Variants in WWP2 observed in about 807,000 individuals in gnomAD.
WWP2 encodes the protein WW domain containing E3 ubiquitin protein ligase 2, also known as NEDD4-like E3 ubiquitin-protein ligase WWP2.
Under a neutral mutation model 121.0 loss-of-function variants are expected in WWP2, and 57 were observed. That is an observed-to-expected ratio of 0.47 (90% CI 0.38 to 0.59). The LOEUF is 0.59. Ranked by LOEUF, WWP2 falls within the 20% of genes least tolerant of loss-of-function variation. The probability of loss-of-function intolerance (pLI) is 0.00; values close to 1 mark genes in which losing one functional copy is unlikely to be tolerated. For synonymous variants in WWP2, 449 were observed against 441.3 expected (o/e 1.02, Z -0.22); for missense variants, 962 against 1,158.9 (o/e 0.83, Z 2.47).
chr16:69,868,284 C>T (rs1318453390), intron 6 of WWP2, among the ~76,000 whole-genome samples: 2 of 151,946 alleles, frequency 1.3e-5, no homozygotes, highest in African/African-American at 4.8e-5. Context: ...CCCAGCCCAT[C>T]ATTCAGGGTA....
chr16:69,874,552 T>C (rs146655334), intron 7 of WWP2, among the ~76,000 whole-genome samples: 2 of 152,302 alleles, frequency 1.3e-5, no homozygotes, highest in African/African-American at 4.8e-5. Flanking sequence ...CCATAAAGTA[T>C]CCATTTTTAT....
chr16:69,838,396 C>G (rs2056914479), intron 4 of WWP2, among the ~76,000 whole-genome samples: 1 of 148,636 alleles, frequency 6.7e-6, no homozygotes, highest in African/African-American at 2.5e-5. Flanking sequence ...TTGCCAGAGA[C>G]TTAGGTACTG....
At chr16:69,866,097 C>T (rs1033965278) in intron 6 of WWP2, among the ~76,000 whole-genome samples, 2 of 152,072 alleles carry the variant, frequency 1.3e-5, no homozygotes, top group African/African-American at 2.4e-5. Flanking sequence ...GTTTCTCTGG[C>T]GTCTTCTTGG....
At chr16:69,928,489 C>G (rs2058669300) in intron 11 of WWP2, among the ~76,000 whole-genome samples, 3 of 152,116 alleles carry the variant, frequency 2.0e-5, no homozygotes, top group African/African-American at 4.8e-5. Flanking sequence ...ACCCCAGAGC[C>G]CTTATCAGTA....
intron 4 of WWP2, among the ~76,000 whole-genome samples, chr16:69,820,818 A>T (rs974942302): frequency 7.5e-6 from 1 of 133,550 alleles, no homozygotes; most frequent in East Asian, 2.2e-4. Context: ...CCATGAATAC[A>T]TGCATATACA....
intron 1 of WWP2, among the ~76,000 whole-genome samples, chr16:69,766,540 T>C (rs984286523): frequency 6.6e-6 from 1 of 152,118 alleles, no homozygotes; most frequent in African/African-American, 2.4e-5. Context: ...ACCACCACCC[T>C]GACCTCCTCT....
rs771352727 is a variant in WWP2 at position 69,917,845 on chromosome 16, G to T, written c.1141G>T (p.Gly381Trp). Residue 381 changes from glycine (G) to tryptophan (W), a missense_variant, in exon 10 of 24, where the codon GGG (glycine) becomes TGG (tryptophan). Transcript: ENST00000359154. ...QWQSQRNQLQGAMQHFSQRFL... is the reference protein window; with the variant it reads ...QWQSQRNQLQWAMQHFSQRFL... Reference sequence around the variant, plus strand: ...GCAGTCGCAGCGGAATCAGCTCCAGGGGGCCATGCAGCACTTCAGCCAAAG... The same window carrying T: ...GCAGTCGCAGCGGAATCAGCTCCAGTGGGCCATGCAGCACTTCAGCCAAAG... 4 of 1,613,596 alleles carry T rather than the reference G, an allele frequency of 2.5e-6. No individual in the cohort carries two copies. The South Asian group carries it at 4.4e-5, about 18-fold the overall frequency.
intron 8 of WWP2, among the ~76,000 whole-genome samples, chr16:69,898,173 A>T (rs2058139188): frequency 1.3e-5 from 2 of 151,792 alleles, no homozygotes; most frequent in Admixed American, 1.3e-4. Context: ...GATTACAGGC[A>T]TCTACCACCA....
At chr16:69,801,025 A>G (rs1481675781) in intron 4 of WWP2, among the ~76,000 whole-genome samples, 1 of 148,274 alleles carries the variant, frequency 6.7e-6, no homozygotes, top group African/African-American at 2.4e-5. Context: ...GTTTCTACTA[A>G]GAAAAATACA....
chr16:69,938,884 T>C lies in WWP2; in HGVS notation c.2344-143T>C, dbSNP rs181249665. ...AAAAGCACTTCTGGGGTTTCTCAGG[T>C]TGGAGGCTGTCATCCCCTGGCCAAC... On this transcript the variant is annotated intron_variant, in intron 21 of 23. Coordinates refer to ENST00000359154, the MANE Select transcript of WWP2 (RefSeq NM_001270454.2). 1.6e-3 allele frequency: 1,081 copies of C among 667,912 alleles called. 9 individuals carry two copies. In the African/African-American group the frequency reaches 0.017, roughly 11 times the overall value. The allele number at this position is 667,912 out of a possible 1,614,324, so 41.4% of individuals were successfully genotyped here. A position where few individuals can be genotyped will look rare whatever the true frequency, so the allele number is the denominator to read the frequency against.
chr16:69,885,281 G>A (rs2057905333), intron 7 of WWP2, among the ~76,000 whole-genome samples: 1 of 152,108 alleles, frequency 6.6e-6, no homozygotes, highest in Non-Finnish European at 1.5e-5. Context: ...TGCATAAAGT[G>A]AATTGCCATC....
intron 9 of WWP2, chr16:69,910,414 G>A: frequency 1.0e-6 from 1 of 965,808 alleles, no homozygotes; most frequent in African/African-American, 1.9e-5. Context: ...GTGTACTGTG[G>A]CTTTTTTTTT....
At chr16:69,818,068 G>A (rs1206177032) in intron 4 of WWP2, among the ~76,000 whole-genome samples, 1 of 151,838 alleles carries the variant, frequency 6.6e-6, no homozygotes, top group African/African-American at 2.4e-5. Flanking sequence ...CCACATACCT[G>A]TTTCCCTGTA....
intron 6 of WWP2, among the ~76,000 whole-genome samples, chr16:69,867,636 T>C (rs147903639): frequency 6.6e-6 from 1 of 152,288 alleles, no homozygotes; most frequent in Non-Finnish European, 1.5e-5. Context: ...GTCCTGGTCG[T>C]GGCTGGCCTG....
rs1435545957 is a variant in WWP2 at position 69,925,446 on chromosome 16, C to T, written c.1196C>T (p.Thr399Ile). 1 of 1,614,146 alleles carries T rather than the reference C, an allele frequency of 6.2e-7. No homozygotes were observed. Among genetic ancestry groups the T allele is most frequent in the Admixed American group, 1.7e-5 (1 of 60,024 alleles). Residue 399 changes from threonine to isoleucine, a missense_variant, in exon 11 of 24, where the codon ACT (threonine) becomes ATT (isoleucine). Transcript: ENST00000359154. The surrounding 1 kb of genome is among the most constrained non-coding windows in gnomAD (Gnocchi z 4.0). ...TGTGTTTAGTCTTCGAGTGCTTCGA[C>T]TGACCATGATCCCCTGGGCCCCCTC... The part of the protein sequence containing the change: ...RFLYQSSSAS[T>I]DHDPLGPLPP...
chr16:69,936,026 G>A, intron 18 of WWP2, 40 bp downstream of exon 18: 1 of 1,603,896 alleles, frequency 6.2e-7, no homozygotes, highest in Non-Finnish European at 8.5e-7. Context: ...GCTGATAGGA[G>A]GGACGTCTCT....
At chr16:69,846,830 T>C (rs1296461593) in intron 6 of WWP2, among the ~76,000 whole-genome samples, 1 of 152,084 alleles carries the variant, frequency 6.6e-6, no homozygotes, top group African/African-American at 2.4e-5. Context: ...AGAAAGTTTC[T>C]AAGATACTGG....
rs145297356 is a variant in WWP2, at chr16:69,836,054, C to T, written c.341-4072C>T. On this transcript the variant is annotated intron_variant, in intron 4 of 23. Coordinates refer to ENST00000359154, the MANE Select transcript of WWP2 (RefSeq NM_001270454.2). ...CTGGGCTCAGGTGATCCACCCACCTCGGCCTCCCAAAGTGCTGGGATTACA... is the reference window on the plus strand; with the variant it reads ...CTGGGCTCAGGTGATCCACCCACCTTGGCCTCCCAAAGTGCTGGGATTACA... 8.6e-3 allele frequency among the ~76,000 whole-genome samples: 1,314 copies of T among 152,206 alleles called. 14 individuals carry two copies. The highest frequency in any genetic ancestry group is 0.082 in the Middle Eastern group (24 of 294).
chr16:69,930,740 C>T (rs573783319), intron 13 of WWP2, among the ~76,000 whole-genome samples: 2 of 152,194 alleles, frequency 1.3e-5, no homozygotes, highest in Admixed American at 1.3e-4. Flanking sequence ...GGTGTGGTAG[C>T]ACACTCCTGT....
Sources: gnomAD v4.1 joint callset for allele counts (sites outside exome capture counted in the v4.1 genomes callset) on GRCh38, gnomAD v4.1.1 for gene constraint, Gnocchi (gnomAD v3.1) non-coding constraint, MANE v1.5 for transcripts, NCBI Gene and HGNC (gene_info 2026-07-23, HGNC 2026-07-21) for gene names.